TRMT44: variants seen among roughly 807,000 people sequenced by gnomAD.
TRMT44 encodes the protein tRNA methyltransferase 44 homolog, also known as probable tRNA (uracil-O(2)-)-methyltransferase.
TRMT44 carries 78 observed loss-of-function variants against 77.3 expected under a neutral mutation model. The observed-to-expected ratio is 1.01, with a 90% CI of 0.84 to 1.22. The LOEUF (loss-of-function observed/expected upper bound fraction) is 1.22, where lower values mean the gene tolerates loss of function less well. Among genes scored for constraint, TRMT44 ranks in the 50% most tolerant of loss-of-function variants. The pLI, the probability that TRMT44 is intolerant of heterozygous loss-of-function variation, is 0.00. For synonymous variants in TRMT44, 391 were observed against 383.3 expected, an observed-to-expected ratio of 1.02 and a Z score of -0.23; for missense variants, 1,090 against 964.4, an observed-to-expected ratio of 1.13 and a Z score of -1.73.
At chr4:8,442,131 A>G (rs1271509894) in intron 1 of TRMT44, among the ~76,000 whole-genome samples, 2 of 152,250 alleles carry the variant, frequency 1.3e-5, no homozygotes, top group Non-Finnish European at 2.9e-5. Context: ...CAGTGTTTAT[A>G]GGTAAGACAG....
rs1726181166 is a variant in TRMT44, at chr4:8,461,942, T to C, written c.1204-2043T>C. Among the ~76,000 whole-genome samples the C allele has an allele frequency of 6.6e-6, 1 of 152,192 alleles. No individual in the cohort carries two copies. Among genetic ancestry groups the C allele is most frequent in the Non-Finnish European group, 1.5e-5 (1 of 68,030 alleles). ...TCAAAGGCCAGGCGTAGAATATAAC[T>C]TTTTTTCTTTCTTTCAAAAACCTCA... On this transcript the variant is annotated intron_variant, in intron 6 of 10. Transcript: ENST00000389737. This position sits in a 1 kb window ranked among gnomAD's most constrained non-coding sequence, Gnocchi z 4.6.
chr4:8,441,779 C>T (rs1724724777), intron 1 of TRMT44, among the ~76,000 whole-genome samples: 2 of 151,974 alleles, frequency 1.3e-5, no homozygotes, highest in Admixed American at 1.3e-4. Flanking sequence ...AGTCCGGTGG[C>T]GACGAAGGAA....
chr4:8,514,422 C>T, the TRMT44 span, among the ~76,000 whole-genome samples: 29 of 151,786 alleles, frequency 1.9e-4, no homozygotes, highest in Admixed American at 3.3e-4. Context: ...CACAGGCGCC[C>T]GCCACCATGC....
intron 1 of TRMT44, 61 bp downstream of exon 1, chr4:8,441,502 G>A (rs1257152690): frequency 7.0e-7 from 1 of 1,431,056 alleles, no homozygotes; most frequent in Non-Finnish European, 9.1e-7. Flanking sequence ...TAGAACCTCG[G>A]GTCAATGAAA....
At position 8,449,657 on chromosome 4, in the gene TRMT44, T is replaced by G. The variant is rs1405415003; in HGVS notation, c.735-12T>G. 1 of 1,519,330 alleles carries G rather than the reference T, an allele frequency of 6.6e-7. No homozygotes were observed. The highest frequency in any genetic ancestry group is 2.0e-5 in the Admixed American group (1 of 50,754). 94.1% of individuals were successfully genotyped at this position (1,519,330 alleles called of 1,614,324 possible). Reference sequence around the variant, plus strand: ...ATATCTGTGCTTATTCATATTTCTCTTATTTTTAAAGGTTCATATCTGTTT... The same window carrying G: ...ATATCTGTGCTTATTCATATTTCTCGTATTTTTAAAGGTTCATATCTGTTT... On this transcript the variant is annotated splice_polypyrimidine_tract_variant and intron_variant, in intron 2 of 10. Transcript: ENST00000389737.
chr4:8,442,603 C>T (rs1194314968), intron 1 of TRMT44, among the ~76,000 whole-genome samples: 1 of 152,266 alleles, frequency 6.6e-6, no homozygotes, highest in Non-Finnish European at 1.5e-5. Flanking sequence ...AATCAAACAG[C>T]CTGCCGGCTG....
downstream of TRMT44, among the ~76,000 whole-genome samples, chr4:8,496,712 A>G (rs1226945244): frequency 1.3e-5 from 2 of 151,996 alleles, no homozygotes; most frequent in African/African-American, 4.8e-5. Flanking sequence ...TCCCTCAGAG[A>G]GAGAGGACTG....
At chr4:8,449,528 G>A in intron 2 of TRMT44, 141 bp from the exon 3 acceptor site, 2 of 627,676 alleles carry the variant, frequency 3.2e-6, no homozygotes, top group South Asian at 2.2e-5. Flanking sequence ...TGAAAGTTCT[G>A]TAACTAGTTC....
intron 6 of TRMT44, among the ~76,000 whole-genome samples, chr4:8,460,754 A>G (rs1164470399): frequency 6.6e-6 from 1 of 152,184 alleles, no homozygotes; most frequent in African/African-American, 2.4e-5. Context: ...GGGTTTTGCC[A>G]TGTTGGCCAG....
In TRMT44 at chr4:8,441,386, G is replaced by A; in HGVS notation, c.564G>A (p.Pro188=). Residue 188 remains proline (P), a synonymous_variant, in exon 1 of 11, where the codon CCG becomes CCA. Transcript: ENST00000389737. Reference sequence around the variant, plus strand: ...ACGTGGTTCTCAGAACCGTCATCCCGAAAACTAGCCCACATTGCCCCCTTA... The same window carrying A: ...ACGTGGTTCTCAGAACCGTCATCCCAAAAACTAGCCCACATTGCCCCCTTA... ...ELDVVLRTVI[P]KTSPHCPLTT... 3 of 1,531,692 alleles carry A rather than the reference G, an allele frequency of 2.0e-6. No individual in the cohort carries two copies. In the South Asian group the frequency reaches 3.6e-5, roughly 18 times the overall value. The allele number at this position is 1,531,692 out of a possible 1,614,324, so 94.9% of individuals were successfully genotyped here. A position where few individuals can be genotyped will look rare whatever the true frequency, so the allele number is the denominator to read the frequency against.
Position 8,466,910 on chromosome 4 carries a change from G to A in TRMT44, c.1495-1004G>A, listed in dbSNP as rs150311035. Among the ~76,000 whole-genome samples, 584 of 152,328 alleles carry A rather than the reference G, an allele frequency of 3.8e-3. 2 individuals are homozygous for A. Among genetic ancestry groups the A allele is most frequent in the Middle Eastern group, 0.02 (6 of 294 alleles). On this transcript the variant is annotated intron_variant, in intron 8 of 10. Transcript: ENST00000389737. ...ACAGGCACTGAGAATTTAAAATCCC[G>A]CTGGAAGAGCTGGGGAGCAGAGGTG...
chr4:8,504,427 C>G, the TRMT44 span, among the ~76,000 whole-genome samples: 110 of 152,242 alleles, frequency 7.2e-4, no homozygotes, highest in African/African-American at 2.6e-3. This position sits in a 1 kb window ranked among gnomAD's most constrained non-coding sequence, Gnocchi z 5.3. Flanking sequence ...GCTGTGCCAG[C>G]TCCAGCTTTT....
Position 8,475,944 on chromosome 4 carries a change from C to T in TRMT44, c.2217C>T (p.Ala739=), listed in dbSNP as rs756442240. Residue 739 remains alanine (A), a synonymous_variant, in exon 11 of 11, where the codon GCC becomes GCT. Transcript: ENST00000389737. ...TGTCCACGGACTGCTGCCCGTTTGC[C>T]CATGGGCCTGCGGAGCTGCGGCCAC... is the stretch of plus-strand genomic sequence containing the variant. ...CALSTDCCPF[A]HGPAELRPPR... 1.2e-6 allele frequency: 2 copies of T among 1,614,060 alleles called. No homozygotes were observed. Among genetic ancestry groups the T allele is most frequent in the African/African-American group, 1.3e-5 (1 of 74,932 alleles).
intron 6 of TRMT44, chr4:8,455,036 A>C (rs910649477): frequency 8.7e-6 from 5 of 572,788 alleles, no homozygotes; most frequent in Admixed American, 6.1e-5. Context: ...ACCTCCAGGC[A>C]GAAGTGCTGT....
the TRMT44 span, among the ~76,000 whole-genome samples, chr4:8,511,523 A>G: frequency 4.6e-5 from 7 of 152,196 alleles, no homozygotes; most frequent in Non-Finnish European, 1.0e-4. Context: ...TTACCCCAAA[A>G]GACACAATCC....
chr4:8,473,936 G>A (rs978683465), intron 10 of TRMT44, among the ~76,000 whole-genome samples: 1 of 152,164 alleles, frequency 6.6e-6, no homozygotes, highest in South Asian at 2.1e-4. Flanking sequence ...CGCCGTTCGG[G>A]AGCCTCATCT....
rs886512447 is a variant in TRMT44, at chr4:8,446,799, G to A, written c.734+209G>A. Among the ~76,000 whole-genome samples the A allele has an allele frequency of 3.9e-5, 6 of 152,108 alleles. No individual in the cohort carries two copies. The highest frequency in any genetic ancestry group is 1.4e-4 in the African/African-American group (6 of 41,428). ...AGTCTGGGTGGTCACAGCCTGGCTGGGGTTTCTGATCTCTACCTTCCCTGT... is the reference window on the plus strand; with the variant it reads ...AGTCTGGGTGGTCACAGCCTGGCTGAGGTTTCTGATCTCTACCTTCCCTGT... On this transcript the variant is annotated intron_variant, in intron 2 of 10. Coordinates refer to ENST00000389737, the MANE Select transcript of TRMT44 (RefSeq NM_152544.3). The surrounding 1 kb of genome is among the most constrained non-coding windows in gnomAD (Gnocchi z 4.3).
rs1296004457 is a variant in TRMT44 at position 8,464,068 on chromosome 4, A to T, written c.1287A>T (p.Pro429=). 6.2e-7 allele frequency: 1 copy of T among 1,613,870 alleles called. No homozygotes were observed. Among genetic ancestry groups the T allele is most frequent in the Non-Finnish European group, 8.5e-7 (1 of 1,179,930 alleles). The change falls in exon 7 of 11, where the codon CCA becomes CCT. Residue 429 remains proline (P), a synonymous_variant. Coordinates refer to ENST00000389737, the MANE Select transcript of TRMT44 (RefSeq NM_152544.3). ...LIGNHSDELT[P]WIPVIAARSS... is the part of the protein sequence containing the mutation. ...GTAACCATTCTGATGAACTCACACC[A>T]TGGATACCTGTCATTGCAGCCAGGT...
intron 8 of TRMT44, among the ~76,000 whole-genome samples, chr4:8,467,485 GATTT>G (rs1459211111): frequency 3.3e-5 from 5 of 151,958 alleles, no homozygotes; most frequent in African/African-American, 4.8e-5. Context: ...TATTTTTATT[GATTT>G]ATTTATTTTG....
Sources: allele counts gnomAD v4.1 joint callset (sites outside exome capture counted in the v4.1 genomes callset), GRCh38; gene constraint gnomAD v4.1.1; non-coding constraint Gnocchi (gnomAD v3.1); transcripts MANE v1.5; gene names NCBI Gene and HGNC (gene_info 2026-07-23, HGNC 2026-07-21).